The following ADGRA3 variants were observed in gnomAD, a reference collection of about 807,000 sequenced individuals.
ADGRA3 encodes G-protein coupled receptor 125.
ADGRA3 carries 56 observed loss-of-function variants against 119.8 expected under a neutral mutation model. The ratio of observed to expected loss-of-function variants is 0.47; its 90% CI spans 0.38 to 0.58. ADGRA3 has a LOEUF of 0.58. Among genes scored for constraint, ADGRA3 ranks in the 20% least tolerant of loss-of-function variants. ADGRA3 has a pLI of 0.00. For synonymous variants in ADGRA3, 607 were observed against 623.8 expected (o/e 0.97, Z 0.40); for missense variants, 1,516 against 1,649.0 (o/e 0.92, Z 1.40).
intron 2 of ADGRA3, among the ~76,000 whole-genome samples, chr4:22,462,066 A>G (rs993238425): frequency 1.3e-5 from 2 of 152,180 alleles, no homozygotes; most frequent in African/African-American, 4.8e-5. Context: ...TATGTGACCT[A>G]ATATTATTCA....
At chr4:22,455,774 T>C (rs150038870) in intron 3 of ADGRA3, 4 of 1,271,316 alleles carry the variant, frequency 3.1e-6, no homozygotes, top group Non-Finnish European at 4.1e-6. Context: ...AAACTTTATG[T>C]TGGGAGATAA....
At chr4:22,415,811 A>G (rs1715404090) in intron 12 of ADGRA3, among the ~76,000 whole-genome samples, 1 of 152,128 alleles carries the variant, frequency 6.6e-6, no homozygotes. Flanking sequence ...GGTCTCCTAC[A>G]CAAGTTTAAA....
chr4:22,438,535 G>T, intron 7 of ADGRA3, 115 bp from the exon 8 acceptor site: 1 of 732,782 alleles, frequency 1.4e-6, no homozygotes. Context: ...TGTGGGGTAA[G>T]CACTTGCTAT....
At chr4:22,427,105 T>C (rs1715971983) in intron 10 of ADGRA3, among the ~76,000 whole-genome samples, 3 of 152,194 alleles carry the variant, frequency 2.0e-5, no homozygotes, top group Admixed American at 2.0e-4. Context: ...TTGAAGATTT[T>C]ATGCAAAAAT....
chr4:22,424,798 G>A (rs994566444), intron 10 of ADGRA3, among the ~76,000 whole-genome samples: 12 of 152,174 alleles, frequency 7.9e-5, no homozygotes, highest in African/African-American at 2.4e-4. Flanking sequence ...CCAGCAGGGC[G>A]TGGTGGCTCA....
At chr4:22,436,748 C>T in intron 8 of ADGRA3, 107 bp from the exon 9 acceptor site, 1 of 907,262 alleles carries the variant, frequency 1.1e-6, no homozygotes, top group Non-Finnish European at 1.7e-6. Context: ...CATGTCAATA[C>T]AACCCTGACA....
At chr4:22,433,850 G>C (rs943462477) in intron 10 of ADGRA3, among the ~76,000 whole-genome samples, 1 of 152,120 alleles carries the variant, frequency 6.6e-6, no homozygotes, top group Admixed American at 6.6e-5. Context: ...CCAGTGCAAG[G>C]AAAATTCACT....
rs758000828 is a variant in ADGRA3, at chr4:22,388,757, G to T, written c.2914C>A (p.His972Asn). Residue 972 changes from histidine (H) to asparagine (N), a missense_variant, in exon 19 of 19, where the codon CAT becomes AAT. By Grantham distance (68) the His-to-Asn change is moderately conservative. This residue lies in a region of ADGRA3 where 1,088 missense variants were observed against 1,107.1 expected (regional missense o/e 0.98). Coordinates refer to ENST00000334304, the MANE Select transcript of ADGRA3 (RefSeq NM_145290.4). ...AGAGACAAAGACATTGAATCCTGATGATTTATTTCGCCATTTTCATTGGCT... is the reference window on the plus strand; with the variant it reads ...AGAGACAAAGACATTGAATCCTGATTATTTATTTCGCCATTTTCATTGGCT... ...LAANENGEIN[H>N]QDSMSLSLIS... 14 of 1,613,862 alleles carry T rather than the reference G, an allele frequency of 8.7e-6. No homozygotes were observed. The highest frequency in any genetic ancestry group is 3.3e-5 in the South Asian group (3 of 91,084).
At chr4:22,416,171 T>G (rs1311566207) in intron 12 of ADGRA3, among the ~76,000 whole-genome samples, 1 of 152,214 alleles carries the variant, frequency 6.6e-6, no homozygotes, top group African/African-American at 2.4e-5. Context: ...ATTTGGTGCA[T>G]TTATCATGAA....
intron 1 of ADGRA3, among the ~76,000 whole-genome samples, chr4:22,475,654 G>C (rs534853204): frequency 1.3e-5 from 2 of 152,186 alleles, no homozygotes; most frequent in East Asian, 1.9e-4. Flanking sequence ...GTGAACCCAG[G>C]GGGTGGAGCT....
rs549763629 is a variant in ADGRA3, at chr4:22,497,415, A to T, written c.257+18113T>A. On this transcript the variant is annotated intron_variant, in intron 1 of 18. Transcript: ENST00000334304. ...CCTGCAGGTTCACCTGGTACTCAGAAATTCAGAGAAGCAGGCTGGTCTACT... is the reference window on the plus strand; with the variant it reads ...CCTGCAGGTTCACCTGGTACTCAGATATTCAGAGAAGCAGGCTGGTCTACT... Among the ~76,000 whole-genome samples, 4 of 152,314 alleles carry T rather than the reference A, an allele frequency of 2.6e-5. No individual in the cohort carries two copies. In the South Asian group the frequency reaches 8.3e-4, roughly 32 times the overall value.
chr4:22,515,726 G>C lies in ADGRA3; in HGVS notation c.59C>G (p.Ser20Trp), dbSNP rs1719641223. 1 of 1,053,360 alleles carries C rather than the reference G, an allele frequency of 9.5e-7. No individual in the cohort carries two copies. The allele number at this position is 1,053,360 out of a possible 1,614,324, so 65.3% of individuals were successfully genotyped here. Residue 20 changes from serine to tryptophan, a missense_variant, in exon 1 of 19, where the codon TCG becomes TGG. Transcript: ENST00000334304. Reference protein sequence around the residue: ...RAQPPLLLPLSLLALLALLGG... With the variant: ...RAQPPLLLPLWLLALLALLGG... ...CAGCAGCGCGAGCAGCGCTAACAGC[G>C]AGAGCGGCAGCAACAGCGGCGGCTG...
chr4:22,493,679 A>G (rs901611282), intron 1 of ADGRA3, among the ~76,000 whole-genome samples: 4 of 152,144 alleles, frequency 2.6e-5, no homozygotes, highest in Non-Finnish European at 5.9e-5. Context: ...GGAGGAGTCA[A>G]TGTGTACTCA....
chr4:22,504,041 G>T (rs1037605352), intron 1 of ADGRA3, among the ~76,000 whole-genome samples: 2 of 152,004 alleles, frequency 1.3e-5, no homozygotes, highest in South Asian at 2.1e-4. Flanking sequence ...CATAAAAAGG[G>T]CTTAATAAAA....
At chr4:22,504,457 T>C (rs1719165867) in intron 1 of ADGRA3, among the ~76,000 whole-genome samples, 1 of 152,150 alleles carries the variant, frequency 6.6e-6, no homozygotes, top group Non-Finnish European at 1.5e-5. Context: ...TCAAATACTG[T>C]TGGACAGATG....
chr4:22,446,113 A>G (rs1211260143), intron 5 of ADGRA3, among the ~76,000 whole-genome samples: 5 of 152,250 alleles, frequency 3.3e-5, no homozygotes, highest in Non-Finnish European at 7.3e-5. Flanking sequence ...TGTGCTTCTA[A>G]CACAGCTAGA....
intron 11 of ADGRA3, among the ~76,000 whole-genome samples, chr4:22,422,868 C>G (rs1715764438): frequency 6.6e-6 from 1 of 152,096 alleles, no homozygotes; most frequent in African/African-American, 2.4e-5. Flanking sequence ...GGTCATGAAT[C>G]TGAGAGGGAA....
At chr4:22,508,974 C>A (rs1318599622) in intron 1 of ADGRA3, among the ~76,000 whole-genome samples, 1 of 151,860 alleles carries the variant, frequency 6.6e-6, no homozygotes, top group African/African-American at 2.4e-5. Flanking sequence ...GCCCCACTGC[C>A]CTCACGCCTG....
At chr4:22,445,688 C>G (rs1004493438) in intron 5 of ADGRA3, among the ~76,000 whole-genome samples, 10 of 152,258 alleles carry the variant, frequency 6.6e-5, no homozygotes, top group African/African-American at 2.2e-4. Flanking sequence ...TTTCTGACCC[C>G]TCCTGCTATG....
Sources: allele counts gnomAD v4.1 joint callset (sites outside exome capture counted in the v4.1 genomes callset), GRCh38; gene constraint gnomAD v4.1.1; regional missense constraint gnomAD v4.1.1; transcripts MANE v1.5; gene names NCBI Gene and HGNC (gene_info 2026-07-23, HGNC 2026-07-21).